ERC1: variants seen among roughly 807,000 people sequenced by gnomAD.
ERC1 encodes ELKS/RAB6-interacting/CAST family member 1, also known as RAB6 interacting protein 2.
Under a neutral mutation model 132.0 loss-of-function variants are expected in ERC1, and 56 were observed. The ratio of observed to expected loss-of-function variants is 0.42; its 90% CI spans 0.34 to 0.53. The LOEUF (loss-of-function observed/expected upper bound fraction) is 0.53, where lower values mean the gene tolerates loss of function less well. Among genes scored for constraint, ERC1 ranks in the 20% least tolerant of loss-of-function variants. The pLI is 0.03. For synonymous variants in ERC1, 478 were observed against 476.1 expected (o/e 1.00, Z -0.05); for missense variants, 1,202 against 1,349.9 (o/e 0.89, Z 1.72).
At chr12:1,449,998 T>C (rs2093389775) in intron 18 of ERC1, among the ~76,000 whole-genome samples, 2 of 152,172 alleles carry the variant, frequency 1.3e-5, no homozygotes, top group African/African-American at 4.8e-5. Context: ...AAATATAGTA[T>C]ACCACTTCAG....
chr12:1,068,270 A>C (rs939202304), intron 2 of ERC1, among the ~76,000 whole-genome samples: 10 of 100,574 alleles, frequency 9.9e-5, no homozygotes, highest in African/African-American at 3.1e-4. Context: ...TTGGAGAGAG[A>C]TGTTCAAGTT....
At chr12:1,122,760 A>G (rs1947721015) in intron 7 of ERC1, among the ~76,000 whole-genome samples, 1 of 4,956 alleles carries the variant, frequency 2.0e-4, no homozygotes, top group Non-Finnish European at 8.5e-3. Context: ...GATAGGGCTT[A>G]GAATCTTTTT....
At chr12:1,197,871 C>T (rs1458256080) in intron 12 of ERC1, among the ~76,000 whole-genome samples, 1 of 151,958 alleles carries the variant, frequency 6.6e-6, no homozygotes, top group Non-Finnish European at 1.5e-5. Context: ...GTAGTAGTAT[C>T]AGAAAGAAAG....
chr12:1,083,184 G>C lies in ERC1; in HGVS notation c.690G>C (p.Gln230His), dbSNP rs146158532. Residue 230 changes from glutamine (Q) to histidine (H), a missense_variant, in exon 3 of 19, where the codon CAG (glutamine) becomes CAC (histidine). Physicochemically the swap from Gln to His is conservative, Grantham distance 24. Transcript: ENST00000360905. The part of the protein sequence containing the change: ...EENQHMQMTI[Q>H]ALQDELRIQR... The stretch of plus-strand genomic sequence containing the variant: ...TCTAGCACATGCAGATGACAATCCA[G>C]GCTCTCCAGGATGAATTGCGGATCC... 1.2e-6 allele frequency: 2 copies of C among 1,613,178 alleles called. No homozygotes were observed. Among genetic ancestry groups the C allele is most frequent in the African/African-American group, 1.3e-5 (1 of 74,860 alleles).
At chr12:1,190,107 A>G (rs909314528) in intron 12 of ERC1, 55 bp downstream of exon 12, 1 of 1,468,566 alleles carries the variant, frequency 6.8e-7, no homozygotes, top group Non-Finnish European at 9.5e-7. Context: ...TTTTAAAAGT[A>G]TGCTTTTGGG....
intron 17 of ERC1, among the ~76,000 whole-genome samples, chr12:1,415,213 A>G (rs1008397121): frequency 2.0e-5 from 3 of 152,234 alleles, no homozygotes; most frequent in Non-Finnish European, 2.9e-5. Flanking sequence ...GAAGAACAGC[A>G]TATGCTCTTT....
intron 1 of ERC1, among the ~76,000 whole-genome samples, chr12:1,011,605 T>C (rs1436263014): frequency 1.3e-5 from 2 of 152,230 alleles, no homozygotes; most frequent in Non-Finnish European, 2.9e-5. Flanking sequence ...GCTGTGCTTA[T>C]ATTTGCAAAA....
Position 1,494,557 on chromosome 12 carries a change from T to C in ERC1, c.*4327T>C, listed in dbSNP as rs1055446759. On this transcript the variant is annotated 3_prime_UTR_variant, in exon 19 of 19. Transcript: ENST00000360905. ...TCCAGACTTTTTAGTGTCAAAAATGTAACCAACTGTCTCCTGATTTTTTCC... is the reference window on the plus strand; with the variant it reads ...TCCAGACTTTTTAGTGTCAAAAATGCAACCAACTGTCTCCTGATTTTTTCC... 3.0e-5 allele frequency: 7 copies of C among 231,272 alleles called. No individual in the cohort carries two copies. The highest frequency in any genetic ancestry group is 5.1e-5 in the Non-Finnish European group (6 of 116,848). The allele number at this position is 231,272 out of a possible 1,614,324, so 14.3% of individuals were successfully genotyped here.
intron 2 of ERC1, among the ~76,000 whole-genome samples, chr12:1,057,808 A>T (rs963203590): frequency 2.0e-5 from 3 of 151,820 alleles, no homozygotes; most frequent in Admixed American, 6.6e-5. Flanking sequence ...ATTTGCCAGG[A>T]TGCTCTCGAT....
In ERC1 at chr12:1,236,850, A is replaced by G. The variant is rs768056566; in HGVS notation, c.2433A>G (p.Leu811=). ...AAAAAAAGAAGAGTGCACAAATGTT[A>G]GAGGAGGCGCGACGACGGGAGGACA... ...QVEKKKSAQM[L]EEARRREDNL... is the part of the protein sequence containing the mutation. The change falls in exon 13 of 19, where the codon TTA becomes TTG. Residue 811 remains leucine, a synonymous_variant. Coordinates refer to ENST00000360905, the MANE Select transcript of ERC1 (RefSeq NM_178040.4). 2 of 1,614,126 alleles carry G rather than the reference A, an allele frequency of 1.2e-6. No homozygotes were observed. The highest frequency in any genetic ancestry group is 1.7e-6 in the Non-Finnish European group (2 of 1,179,986).
chr12:1,266,172 G>T (rs1469232649), intron 14 of ERC1, among the ~76,000 whole-genome samples: 1 of 152,028 alleles, frequency 6.6e-6, no homozygotes, highest in African/African-American at 2.4e-5. Flanking sequence ...GCTTTTAATT[G>T]TATGCTTTTT....
intron 16 of ERC1, among the ~76,000 whole-genome samples, chr12:1,402,452 C>A (rs776309729): frequency 6.6e-6 from 1 of 150,614 alleles, no homozygotes; most frequent in Admixed American, 6.6e-5. Context: ...ATCGCTTGAA[C>A]CCGGAGGTTG....
Position 1,236,784 on chromosome 12 carries a change from G to C in ERC1, c.2367G>C (p.Gln789His), listed in dbSNP as rs2075443807. The C allele has an allele frequency of 6.2e-7, 1 of 1,613,632 alleles. No homozygotes were observed. Among genetic ancestry groups the C allele is most frequent in the Non-Finnish European group, 8.5e-7 (1 of 1,179,806 alleles). Residue 789 changes from glutamine (Q) to histidine (H), a missense_variant, in exon 13 of 19, where the codon CAG (glutamine) becomes CAC (histidine). Gln to His is a conservative substitution (Grantham distance 24, BLOSUM62 0). Coordinates refer to ENST00000360905, the MANE Select transcript of ERC1 (RefSeq NM_178040.4). ...CTGTCATTAGGCAAGTGAAAGACCAGAATAAGAAGGTAGCAAATCTGAAGC... is the reference window on the plus strand; with the variant it reads ...CTGTCATTAGGCAAGTGAAAGACCACAATAAGAAGGTAGCAAATCTGAAGC... ...IAELERQVKD[Q>H]NKKVANLKHK...
At chr12:1,072,536 C>T (rs73035150) in intron 2 of ERC1, among the ~76,000 whole-genome samples, 19 of 152,144 alleles carry the variant, frequency 1.2e-4, no homozygotes, top group Non-Finnish European at 2.6e-4. Context: ...TCAGACGCAT[C>T]TTATTTGATG....
chr12:1,490,073 A>G lies in ERC1; in HGVS notation c.3214-20A>G. ...AATGGGATTGTTGTATCTGAAATCC[A>G]TCTCTCCTTTCCCTTTCAGCTTCAG... On this transcript the variant is annotated intron_variant, in intron 18 of 18. Transcript: ENST00000360905. The G allele has an allele frequency of 6.2e-7, 1 of 1,610,056 alleles. No homozygotes were observed. Among genetic ancestry groups the G allele is most frequent in the Non-Finnish European group, 8.5e-7 (1 of 1,176,610 alleles).
At chr12:1,438,028 T>A (rs191383550) in intron 17 of ERC1, among the ~76,000 whole-genome samples, 1 of 145,934 alleles carries the variant, frequency 6.9e-6, no homozygotes, top group Non-Finnish European at 1.5e-5. Context: ...GATTTCTGAT[T>A]AACGTTTATT....
intron 15 of ERC1, among the ~76,000 whole-genome samples, chr12:1,351,251 T>C (rs985546905): frequency 6.6e-6 from 1 of 152,258 alleles, no homozygotes; most frequent in South Asian, 2.1e-4. Context: ...CTATTGTCAC[T>C]GATATTTTCT....
Position 1,490,341 on chromosome 12 carries a change from C to A in ERC1, c.*111C>A. ...GCACCAAACACTACAAACTTCATCC[C>A]AACTTGCTCACTTGAAGAAGTGTGA... is the stretch of plus-strand genomic sequence containing the variant. On this transcript the variant is annotated 3_prime_UTR_variant, in exon 19 of 19. Coordinates refer to ENST00000360905, the MANE Select transcript of ERC1 (RefSeq NM_178040.4). 9.6e-7 allele frequency: 1 copy of A among 1,039,038 alleles called. No homozygotes were observed. Among genetic ancestry groups the A allele is most frequent in the Non-Finnish European group, 1.4e-6 (1 of 723,730 alleles). The allele number at this position is 1,039,038 out of a possible 1,614,324, so 64.4% of individuals were successfully genotyped here. A position where few individuals can be genotyped will look rare whatever the true frequency, so the allele number is the denominator to read the frequency against.
chr12:1,152,277 T>G (rs757616150), intron 8 of ERC1: 1 of 150,646 alleles, frequency 6.6e-6, no homozygotes, highest in Non-Finnish European at 1.5e-5. Flanking sequence ...AGAGAAACAA[T>G]AAAGAGAGGC....
Sources: gnomAD v4.1 joint callset for allele counts (sites outside exome capture counted in the v4.1 genomes callset) on GRCh38, gnomAD v4.1.1 for gene constraint, MANE v1.5 for transcripts, NCBI Gene and HGNC (gene_info 2026-07-23, HGNC 2026-07-21) for gene names.